Variants in SULT1A1 observed in about 807,000 individuals in gnomAD.
SULT1A1 encodes the protein sulfotransferase family 1A member 1, also known as sulfotransferase 1A1.
Under a neutral mutation model 36.8 loss-of-function variants are expected in SULT1A1, and 35 were observed. That is an observed-to-expected ratio of 0.95 (90% confidence interval 0.73 to 1.26). SULT1A1 has a LOEUF of 1.26. Among genes scored for constraint, SULT1A1 ranks in the 50% most tolerant of loss-of-function variants. The pLI, the probability that SULT1A1 is intolerant of heterozygous loss-of-function variation, is 0.00. For synonymous variants in SULT1A1, 119 were observed against 146.0 expected (o/e 0.82, Z 1.33); for missense variants, 309 against 383.0 (o/e 0.81, Z 1.61).
chr16:28,616,507 C>G (rs563034701), intron 2 of SULT1A1, among the ~76,000 whole-genome samples: 4 of 152,122 alleles, frequency 2.6e-5, no homozygotes, highest in Non-Finnish European at 5.9e-5. Flanking sequence ...TGGCTGGTCT[C>G]GAACTCCTGA....
intron 6 of SULT1A1, 131 bp downstream of exon 6, chr16:28,606,630 A>C: frequency 7.0e-7 from 1 of 1,426,348 alleles, no homozygotes; most frequent in Non-Finnish European, 9.5e-7. Context: ...GCCTGGGCCA[A>C]GAAGGCAGGA....
chr16:28,623,301 T>C (rs2047695631), exon 1 of SULT1A1: 2 of 1,536,920 alleles, frequency 1.3e-6, no homozygotes, highest in Middle Eastern at 2.3e-4. Flanking sequence ...GCGCCGCGTC[T>C]GGCGCCAGTC....
exon 1 of SULT1A1, chr16:28,623,203 G>A (rs1454304903): frequency 6.5e-7 from 1 of 1,546,538 alleles, no homozygotes; most frequent in Admixed American, 2.0e-5. Flanking sequence ...AGCATGGCGC[G>A]CGGCGCTCGG....
intron 4 of SULT1A1, 189 bp from the exon 5 acceptor site, chr16:28,607,266 G>A (rs1488599754): frequency 3.1e-6 from 3 of 977,182 alleles, no homozygotes; most frequent in Non-Finnish European, 4.5e-6. Flanking sequence ...TGGTCCCTGA[G>A]ACCATCATAT....
At chr16:28,622,981 T>C (rs2047685063) in intron 1 of SULT1A1, 1 of 1,094,630 alleles carries the variant, frequency 9.1e-7, no homozygotes, top group African/African-American at 1.6e-5. Context: ...CCTTCAGGCC[T>C]CTGAAGCAGC....
At position 28,606,277 on chromosome 16, in the gene SULT1A1, G is replaced by C. The variant is rs766421788; in HGVS notation, c.595-41C>G. The C allele has an allele frequency of 2.7e-5, 44 of 1,611,456 alleles. No homozygotes were observed. The East Asian group carries it at 9.8e-4, about 36-fold the overall frequency. ...CCCCTCAGTGGAGGCTCGGATTACT[G>C]ATTCAGGAAAAGTAAAAGGGGTCCC... On this transcript the variant is annotated intron_variant, in intron 6 of 7. Coordinates refer to ENST00000314752, the MANE Select transcript of SULT1A1 (RefSeq NM_001055.4).
At chr16:28,609,234 C>A (rs139184340) in intron 1 of SULT1A1, 3 of 1,271,386 alleles carry the variant, frequency 2.4e-6, no homozygotes, top group African/African-American at 3.0e-5. Flanking sequence ...TGCCAGCCAG[C>A]GCCCTTTGTC....
chr16:28,619,148 G>A (rs1466736327), intron 2 of SULT1A1, among the ~76,000 whole-genome samples: 3 of 152,014 alleles, frequency 2.0e-5, no homozygotes, highest in Non-Finnish European at 4.4e-5. Context: ...GAGTAGCTGG[G>A]ATTACAGACA....
At chr16:28,609,855 C>A in intron 1 of SULT1A1, 76 bp downstream of exon 1, 1 of 1,213,564 alleles carries the variant, frequency 8.2e-7, no homozygotes, top group Non-Finnish European at 1.1e-6. Flanking sequence ...ATGCCAGAGG[C>A]CTCAGCTTCT....
At chr16:28,609,449 GAACAA>G (rs1424540183) in intron 1 of SULT1A1, 1 of 1,242,228 alleles carries the variant, frequency 8.1e-7, no homozygotes. Flanking sequence ...CTGTGGGAAT[GAACAA>G]AACTCTGATG....
At chr16:28,623,116 C>G (rs749392365) in intron 1 of SULT1A1, 18 of 1,541,104 alleles carry the variant, frequency 1.2e-5, no homozygotes, top group Non-Finnish European at 1.6e-5. Flanking sequence ...CCAGGTTCCC[C>G]CCCCGGCCCC....
Position 28,609,962 on chromosome 16 carries a change from C to T in SULT1A1, c.-36G>A, listed in dbSNP as rs779823375. ...TCTTGGGAACCTGGCCTCGTGCCCT[C>T]CTCGCCCGCAGTGGCTGATTGTGGG... is the stretch of plus-strand genomic sequence containing the variant. On this transcript the variant is annotated 5_prime_UTR_variant, in exon 1 of 8. Coordinates refer to ENST00000314752, the MANE Select transcript of SULT1A1 (RefSeq NM_001055.4). The T allele has an allele frequency of 1.6e-6, 2 of 1,288,062 alleles. No homozygotes were observed. The highest frequency in any genetic ancestry group is 3.0e-5 in the African/African-American group (2 of 65,822). 79.8% of individuals were successfully genotyped at this position (1,288,062 alleles called of 1,614,324 possible).
At chr16:28,607,126 C>A in intron 4 of SULT1A1, 49 bp from the exon 5 acceptor site, 1 of 1,604,216 alleles carries the variant, frequency 6.2e-7, no homozygotes, top group African/African-American at 1.3e-5. Flanking sequence ...CACAGCCTGT[C>A]CCAGGCCAGC....
At chr16:28,610,682 A>G (rs988066361), upstream of SULT1A1, 9 of 156,416 alleles carry the variant, frequency 5.8e-5, 1 homozygote, top group African/African-American at 1.7e-4. Context: ...GACCTCAGAG[A>G]ACATTGATAG....
intron 6 of SULT1A1, among the ~76,000 whole-genome samples, 194 bp downstream of exon 6, chr16:28,606,567 C>G (rs74459546): frequency 2.0e-5 from 3 of 151,338 alleles, no homozygotes; most frequent in Non-Finnish European, 3.0e-5. Context: ...GACTCAGGTG[C>G]GAGAGATGAG....
At chr16:28,620,307 G>A (rs1406444695) in intron 1 of SULT1A1, among the ~76,000 whole-genome samples, 2 of 152,172 alleles carry the variant, frequency 1.3e-5, no homozygotes, top group Non-Finnish European at 2.9e-5. Context: ...GCTCAAGCCT[G>A]TAATCCCAGC....
At chr16:28,619,249 G>C (rs2151722284) in intron 2 of SULT1A1, among the ~76,000 whole-genome samples, 1 of 152,174 alleles carries the variant, frequency 6.6e-6, no homozygotes, top group South Asian at 2.1e-4. Flanking sequence ...CTGACATCAA[G>C]TGATCTGCCT....
intron 1 of SULT1A1, chr16:28,623,082 G>GT (rs1261256955): frequency 2.1e-6 from 3 of 1,454,896 alleles, no homozygotes; most frequent in Non-Finnish European, 2.8e-6. Context: ...CCTGCCTCCA[G>GT]TCCCCCAATA....
At chr16:28,617,827 GC>G (rs71658328) in intron 2 of SULT1A1, among the ~76,000 whole-genome samples, 2,367 of 152,160 alleles carry the variant, frequency 0.016, 45 homozygotes, top group African/African-American at 0.054. Context: ...GTCGTGCCCG[GC>G]CGACAATTTC....
Sources: gnomAD v4.1 joint callset for allele counts (sites outside exome capture counted in the v4.1 genomes callset) on GRCh38, gnomAD v4.1.1 for gene constraint, MANE v1.5 for transcripts, NCBI Gene and HGNC (gene_info 2026-07-23, HGNC 2026-07-21) for gene names.